The following PRKAR1A variants were observed in gnomAD, a reference collection of about 807,000 sequenced individuals.
The protein encoded by PRKAR1A is protein kinase cAMP-dependent type I regulatory subunit alpha, also known as cAMP-dependent protein kinase type I-alpha regulatory subunit.
Under a neutral mutation model 52.0 loss-of-function variants are expected in PRKAR1A, and 3 were observed. That is an observed-to-expected ratio of 0.06 (90% CI 0.03 to 0.15). The LOEUF is 0.15. PRKAR1A is among the 10% of genes least tolerant of loss of function. The pLI is 1.00. For missense variants in PRKAR1A, 240 were observed against 477.4 expected, an observed-to-expected ratio of 0.50 and a Z score of 4.63; for synonymous variants, 188 against 168.4, an observed-to-expected ratio of 1.12 and a Z score of -0.90.
At chr17:68,522,614 TGG>T in intron 2 of PRKAR1A, 140 bp from the exon 3 acceptor site, 2 of 882,820 alleles carry the variant, frequency 2.3e-6, no homozygotes, top group Admixed American at 2.0e-5. Flanking sequence ...TTTTCCCCTT[TGG>T]AATTGGTGTT....
rs879646599 is a variant in PRKAR1A, at chr17:68,532,897, A to T, written c.*2448A>T. Reference sequence around the variant, plus strand: ...TATGGGATCGGTGTTTTGAAAGAGCAATGTTTATTTTCAGTGCTTTTCAGT... The same window carrying T: ...TATGGGATCGGTGTTTTGAAAGAGCTATGTTTATTTTCAGTGCTTTTCAGT... On this transcript the variant is annotated 3_prime_UTR_variant, in exon 11 of 11. Coordinates refer to ENST00000589228, the MANE Select transcript of PRKAR1A (RefSeq NM_002734.5). The T allele has an allele frequency of 1.1e-5, 12 of 1,066,066 alleles. No individual in the cohort carries two copies. Among genetic ancestry groups the T allele is most frequent in the African/African-American group, 1.6e-5 (1 of 61,118 alleles). The allele number at this position is 1,066,066 out of a possible 1,614,324, so 66.0% of individuals were successfully genotyped here. A position where few individuals can be genotyped will look rare whatever the true frequency, so the allele number is the denominator to read the frequency against.
chr17:68,531,364 C>T lies in PRKAR1A; in HGVS notation c.*915C>T. On this transcript the variant is annotated 3_prime_UTR_variant, in exon 11 of 11. Coordinates refer to ENST00000589228, the MANE Select transcript of PRKAR1A (RefSeq NM_002734.5). ...TCAGCTGACTCCAGTATAATCTCCT[C>T]TGCTCATTAAACTGATTCCAGGAGA... 1.9e-6 allele frequency: 2 copies of T among 1,065,826 alleles called. No homozygotes were observed. The highest frequency in any genetic ancestry group is 2.3e-6 in the Non-Finnish European group (2 of 879,514). The allele number at this position is 1,065,826 out of a possible 1,614,324, so 66.0% of individuals were successfully genotyped here.
chr17:68,513,632 A>C (rs1289181189), intron 1 of PRKAR1A, among the ~76,000 whole-genome samples: 1 of 152,226 alleles, frequency 6.6e-6, no homozygotes, highest in Admixed American at 6.5e-5. Context: ...CTTTACAAAT[A>C]AGTACACATA....
the PRKAR1A span, chr17:68,424,353 C>T: frequency 2.0e-6 from 1 of 494,908 alleles, no homozygotes; most frequent in African/African-American, 2.0e-5. Flanking sequence ...GCATGCAGGG[C>T]CCCACCGCAG....
At chr17:68,450,847 C>A in the PRKAR1A span, 1 of 1,614,140 alleles carries the variant, frequency 6.2e-7, no homozygotes, top group Non-Finnish European at 8.5e-7. Context: ...ACTACCACCA[C>A]CAGGCTGCTG....
the PRKAR1A span, among the ~76,000 whole-genome samples, chr17:68,467,710 C>T: frequency 8.5e-5 from 13 of 152,176 alleles, no homozygotes; most frequent in Non-Finnish European, 1.2e-4. Context: ...TGAAGCAGAT[C>T]CCAGGCTTTC....
At chr17:68,467,760 C>A in the PRKAR1A span, among the ~76,000 whole-genome samples, 1 of 152,196 alleles carries the variant, frequency 6.6e-6, no homozygotes, top group Admixed American at 6.5e-5. Context: ...TTTCATTCTC[C>A]TAGCTAAAAT....
intron 11 of PRKAR1A, chr17:68,539,514 A>G (rs935553429): frequency 4.5e-6 from 4 of 886,394 alleles, no homozygotes; most frequent in Admixed American, 3.7e-5. Context: ...GCCAGGGATC[A>G]TGGCAGCTGC....
chr17:68,445,675 C>G, the PRKAR1A span, among the ~76,000 whole-genome samples: 4 of 152,226 alleles, frequency 2.6e-5, no homozygotes, highest in African/African-American at 4.8e-5. Context: ...TAAGTGAAAA[C>G]AGGCCACAGG....
At chr17:68,548,448 T>G (rs1177840944) in intron 11 of PRKAR1A, among the ~76,000 whole-genome samples, 2 of 151,952 alleles carry the variant, frequency 1.3e-5, no homozygotes, top group Non-Finnish European at 2.9e-5. Flanking sequence ...GAGAATCGCT[T>G]GAACCCAGGA....
Position 68,531,383 on chromosome 17 carries a change from C to G in PRKAR1A, c.*934C>G. 1 of 1,065,636 alleles carries G rather than the reference C, an allele frequency of 9.4e-7. No individual in the cohort carries two copies. The highest frequency in any genetic ancestry group is 1.1e-6 in the Non-Finnish European group (1 of 879,406). The allele number at this position is 1,065,636 out of a possible 1,614,324, so 66.0% of individuals were successfully genotyped here. A position where few individuals can be genotyped will look rare whatever the true frequency, so the allele number is the denominator to read the frequency against. ...TCTCCTCTGCTCATTAAACTGATTCCAGGAGATTGGATTTGCTGTGACTAG... is the reference window on the plus strand; with the variant it reads ...TCTCCTCTGCTCATTAAACTGATTCGAGGAGATTGGATTTGCTGTGACTAG... On this transcript the variant is annotated 3_prime_UTR_variant, in exon 11 of 11. Coordinates refer to ENST00000589228, the MANE Select transcript of PRKAR1A (RefSeq NM_002734.5).
the PRKAR1A span, among the ~76,000 whole-genome samples, chr17:68,464,715 A>G: frequency 6.6e-6 from 1 of 150,628 alleles, no homozygotes; most frequent in Non-Finnish European, 1.5e-5. Context: ...AAACAAAAAA[A>G]ACACCTAACA....
At chr17:68,503,106 A>G in the PRKAR1A span, among the ~76,000 whole-genome samples, 1 of 152,262 alleles carries the variant, frequency 6.6e-6, no homozygotes. Context: ...GCAAATAAGC[A>G]CAAAAAAAGA....
chr17:68,542,154 A>G (rs1364159236), intron 11 of PRKAR1A: 1 of 1,613,836 alleles, frequency 6.2e-7, no homozygotes. Flanking sequence ...GCGAAGAAGC[A>G]CACGTTGCTC....
At chr17:68,494,809 C>G in the PRKAR1A span, among the ~76,000 whole-genome samples, 1 of 152,134 alleles carries the variant, frequency 6.6e-6, no homozygotes, top group African/African-American at 2.4e-5. Context: ...GTGAATGCCA[C>G]CCCTGACCTC....
At chr17:68,438,604 T>G in the PRKAR1A span, among the ~76,000 whole-genome samples, 9 of 152,140 alleles carry the variant, frequency 5.9e-5, no homozygotes, top group African/African-American at 2.2e-4. Context: ...GCACATATGT[T>G]TTGCTTTGTT....
At chr17:68,491,355 G>A in the PRKAR1A span, among the ~76,000 whole-genome samples, 1 of 152,128 alleles carries the variant, frequency 6.6e-6, no homozygotes, top group African/African-American at 2.4e-5. Context: ...ACCTCCCAAA[G>A]TGCTGGGATT....
rs117582744 is a variant in PRKAR1A, at chr17:68,543,420, G to A, written c.974-7664G>A. 2.8e-4 allele frequency among the ~76,000 whole-genome samples: 42 copies of A among 152,240 alleles called. 1 individual carries two copies. In the East Asian group the frequency reaches 7.7e-3, roughly 28 times the overall value. ...GTGTTCTTTGTAAATTGTTCTTTTC[G>A]TTACATTCGTTAAAAGGCCTTGTGT... On this transcript the variant is annotated intron_variant, in intron 11 of 11. Transcript: ENST00000585981.
the PRKAR1A span, among the ~76,000 whole-genome samples, chr17:68,418,679 G>A: frequency 6.6e-6 from 1 of 152,262 alleles, no homozygotes; most frequent in South Asian, 2.1e-4. Flanking sequence ...TATAGTAAAG[G>A]ATGTGATAAG....
Sources: allele counts gnomAD v4.1 joint callset (sites outside exome capture counted in the v4.1 genomes callset), GRCh38; gene constraint gnomAD v4.1.1; transcripts MANE v1.5; gene names NCBI Gene and HGNC (gene_info 2026-07-23, HGNC 2026-07-21).